The following CUBN variants were observed in gnomAD, a reference collection of about 807,000 sequenced individuals.
CUBN encodes the protein cubilin, also known as 460 kDa receptor.
Under a neutral mutation model 405.3 loss-of-function variants are expected in CUBN, and 282 were observed. The observed-to-expected ratio is 0.70, with a 90% CI of 0.63 to 0.77. The LOEUF is 0.77. Ranked by LOEUF, CUBN falls within the 30% of genes least tolerant of loss-of-function variation. The probability of loss-of-function intolerance (pLI) is 0.00; values close to 1 mark genes in which losing one functional copy is unlikely to be tolerated. For synonymous variants in CUBN, 1,684 were observed against 1,617.0 expected (o/e 1.04, Z -0.99); for missense variants, 4,514 against 4,475.2 (o/e 1.01, Z -0.25).
intron 4 of CUBN, among the ~76,000 whole-genome samples, chr10:17,124,629 C>T (rs1049534492): frequency 3.9e-5 from 6 of 151,926 alleles, no homozygotes; most frequent in South Asian, 2.1e-4. Context: ...GGGGTTTCAC[C>T]GTGTTAGCCA....
At chr10:16,906,984 C>G (rs1296425759) in intron 49 of CUBN, among the ~76,000 whole-genome samples, 1 of 152,092 alleles carries the variant, frequency 6.6e-6, no homozygotes, top group Non-Finnish European at 1.5e-5. Flanking sequence ...AAATTTTGAA[C>G]CCAATTCAGG....
At chr10:16,877,118 C>T (rs761544292) in intron 56 of CUBN, 21 bp from the exon 57 acceptor site, 9 of 1,604,372 alleles carry the variant, frequency 5.6e-6, no homozygotes, top group Non-Finnish European at 6.8e-6. Flanking sequence ...CATGGAACAA[C>T]CGCATTATGA....
intron 25 of CUBN, 81 bp downstream of exon 25, chr10:17,044,926 A>C (rs1248518911): frequency 9.6e-6 from 13 of 1,357,176 alleles, no homozygotes; most frequent in Non-Finnish European, 1.4e-5. Context: ...CCCTTTCCTG[A>C]ATCTCGAAAA....
intron 27 of CUBN, among the ~76,000 whole-genome samples, chr10:17,021,312 A>G (rs1834494765): frequency 6.6e-6 from 1 of 152,234 alleles, no homozygotes; most frequent in African/African-American, 2.4e-5. Context: ...ATAAAAATTA[A>G]AAAACACAAA....
In CUBN at chr10:16,961,763, G is replaced by C. The variant is rs1231431467; in HGVS notation, c.4696-7215C>G. Among the ~76,000 whole-genome samples the C allele has an allele frequency of 1.2e-4, 16 of 138,552 alleles. 5 individuals carry two copies. Among genetic ancestry groups the C allele is most frequent in the Admixed American group, 1.5e-4 (2 of 13,214 alleles). The allele number at this position is 138,552 out of a possible 152,430, so 90.9% of individuals were successfully genotyped here. ...GTCTCGCTCTGTGGCCCAGGCTGGA[G>C]TGCAGTGGCGGGATCTCGACTCACT... is the stretch of plus-strand genomic sequence containing the variant. On this transcript the variant is annotated intron_variant, in intron 31 of 66. Transcript: ENST00000377833.
At chr10:16,864,553 T>C (rs1425967997) in intron 59 of CUBN, among the ~76,000 whole-genome samples, 1 of 152,142 alleles carries the variant, frequency 6.6e-6, no homozygotes, top group Non-Finnish European at 1.5e-5. Flanking sequence ...TAGATAAAAA[T>C]TGAGATTCAA....
chr10:17,102,742 G>C (rs1272511998), intron 13 of CUBN, among the ~76,000 whole-genome samples: 3 of 151,570 alleles, frequency 2.0e-5, no homozygotes, highest in Non-Finnish European at 2.9e-5. Context: ...GAGTAGCTGG[G>C]ATTACAGGAA....
chr10:17,036,979 T>A (rs560167557), intron 27 of CUBN, among the ~76,000 whole-genome samples: 1 of 152,180 alleles, frequency 6.6e-6, no homozygotes, highest in Non-Finnish European at 1.5e-5. Context: ...TTGACACTTA[T>A]AATCTTTCTG....
At chr10:16,881,963 G>C (rs1840674698) in intron 56 of CUBN, among the ~76,000 whole-genome samples, 1 of 152,106 alleles carries the variant, frequency 6.6e-6, no homozygotes, top group Admixed American at 6.6e-5. Context: ...CAGACTAAAG[G>C]CATCAGAAAA....
rs2131594919 is a variant in CUBN at position 16,933,232 on chromosome 10, G to A, written c.5979C>T (p.Ser1993=). The A allele has an allele frequency of 6.2e-7, 1 of 1,614,008 alleles. No individual in the cohort carries two copies. Among genetic ancestry groups the A allele is most frequent in the Non-Finnish European group, 8.5e-7 (1 of 1,179,990 alleles). The change falls in exon 40 of 67, where the codon TCC becomes TCT. Residue 1993 remains serine, a synonymous_variant. Coordinates refer to ENST00000377833, the MANE Select transcript of CUBN (RefSeq NM_001081.4). ...TACTGTAACTGTCAGGCCAGCCCGG[G>A]GAGAAGAGAAACACGGGTGCATCTC... The part of the protein sequence containing the change: ...RTGDAPVFLF[S]PGWPDSYSNR...
chr10:17,087,976 CAGA>C (rs1432173868), intron 15 of CUBN, among the ~76,000 whole-genome samples, 185 bp downstream of exon 15: 2 of 152,036 alleles, frequency 1.3e-5, no homozygotes, highest in Non-Finnish European at 2.9e-5. Context: ...AAATGGAACC[CAGA>C]AGAAGAAGCA....
Position 17,087,564 on chromosome 10 carries a change from C to T in CUBN, c.1947+600G>A, listed in dbSNP as rs532059446. Among the ~76,000 whole-genome samples the T allele has an allele frequency of 4.8e-3, 703 of 147,376 alleles. 5 individuals are homozygous for T. Among genetic ancestry groups the T allele is most frequent in the Non-Finnish European group, 8.2e-3 (547 of 66,994 alleles). ...GATCTCAGCTCACTGCAACCTCCGC[C>T]TCCCGGGTCCAAACGATTCTCCTGC... is the stretch of plus-strand genomic sequence containing the variant. On this transcript the variant is annotated intron_variant, in intron 15 of 66. Coordinates refer to ENST00000377833, the MANE Select transcript of CUBN (RefSeq NM_001081.4).
chr10:16,916,034 C>CA lies in CUBN; in HGVS notation c.7001-5dup. The CA allele has an allele frequency of 6.2e-7, 1 of 1,610,210 alleles. No individual in the cohort carries two copies. Among genetic ancestry groups the CA allele is most frequent in the African/African-American group, 1.3e-5 (1 of 74,836 alleles). On this transcript the variant is annotated splice_polypyrimidine_tract_variant and splice_region_variant and intron_variant, in intron 45 of 66. Coordinates refer to ENST00000377833, the MANE Select transcript of CUBN (RefSeq NM_001081.4). ...GGTACTCTTCCCCCACACTGAGCTGCAAAAAATAAAAATAAATAAATAAAT... is the reference window on the plus strand; with the variant it reads ...GGTACTCTTCCCCCACACTGAGCTGCAAAAAAATAAAAATAAATAAATAAAT...
intron 55 of CUBN, 26 bp from the exon 56 acceptor site, chr10:16,888,592 C>G: frequency 1.2e-6 from 2 of 1,606,498 alleles, no homozygotes; most frequent in East Asian, 2.2e-5. Context: ...AAGTCATCAT[C>G]AGATCATTTA....
At chr10:16,981,924 C>T (rs576793458) in intron 31 of CUBN, among the ~76,000 whole-genome samples, 39 of 152,246 alleles carry the variant, frequency 2.6e-4, no homozygotes, top group Middle Eastern at 3.4e-3. Flanking sequence ...GTTCAAGTAG[C>T]AAATCAAGAT....
At chr10:17,105,773 C>T (rs969488300) in intron 10 of CUBN, among the ~76,000 whole-genome samples, 198 bp from the exon 11 acceptor site, 2 of 152,108 alleles carry the variant, frequency 1.3e-5, no homozygotes, top group African/African-American at 4.8e-5. Context: ...AATAAGAAAG[C>T]CATTAAATGC....
chr10:17,076,041 T>C (rs1238490811), intron 17 of CUBN, among the ~76,000 whole-genome samples: 1 of 152,176 alleles, frequency 6.6e-6, no homozygotes, highest in East Asian at 1.9e-4. Context: ...TCTATTTGCT[T>C]CTTCGAAGAT....
intron 22 of CUBN, among the ~76,000 whole-genome samples, chr10:17,058,868 C>A (rs1319999116): frequency 6.6e-6 from 1 of 151,898 alleles, no homozygotes; most frequent in Non-Finnish European, 1.5e-5. Context: ...ATTATTACAT[C>A]AATACAAAAT....
At chr10:16,917,068 T>C (rs961620073) in intron 45 of CUBN, among the ~76,000 whole-genome samples, 1 of 152,024 alleles carries the variant, frequency 6.6e-6, no homozygotes, top group African/African-American at 2.4e-5. Flanking sequence ...TGCCTTAGCC[T>C]CCCAAAGTGC....
Sources: gnomAD v4.1 joint callset for allele counts (sites outside exome capture counted in the v4.1 genomes callset) on GRCh38, gnomAD v4.1.1 for gene constraint, MANE v1.5 for transcripts, NCBI Gene and HGNC (gene_info 2026-07-23, HGNC 2026-07-21) for gene names.